PLXDC2: variants seen among roughly 807,000 people sequenced by gnomAD.
PLXDC2 encodes plexin domain-containing protein 2.
Under a neutral mutation model 68.9 loss-of-function variants are expected in PLXDC2, and 40 were observed. That is an observed-to-expected ratio of 0.58 (90% CI 0.45 to 0.76). PLXDC2 has a LOEUF of 0.76. PLXDC2 is among the 30% of genes least tolerant of loss of function. The pLI, the probability that PLXDC2 is intolerant of heterozygous loss-of-function variation, is 0.00. For synonymous variants in PLXDC2, 243 were observed against 234.2 expected (o/e 1.04, Z -0.34); for missense variants, 644 against 661.9 (o/e 0.97, Z 0.30).
At position 20,195,428 on chromosome 10, in the gene PLXDC2, G is replaced by A. The variant is rs541452479; in HGVS notation, c.1062-16241G>A. On this transcript the variant is annotated intron_variant, in intron 9 of 13. Transcript: ENST00000377252. ...TACTTTGTCTCTTAAGCAACGAGCG[G>A]GTGCAGTGGGTGCAAATCAAAGCTG... Among the ~76,000 whole-genome samples the A allele has an allele frequency of 9.2e-5, 14 of 152,210 alleles. No homozygotes were observed. The South Asian group carries it at 1.5e-3, about 16-fold the overall frequency.
At chr10:19,917,225 T>A (rs1449381442) in intron 1 of PLXDC2, among the ~76,000 whole-genome samples, 1 of 152,150 alleles carries the variant, frequency 6.6e-6, no homozygotes, top group Non-Finnish European at 1.5e-5. Context: ...TCATGGTGAC[T>A]TGAGCATTGC....
chr10:20,125,903 A>G (rs1276690444), intron 4 of PLXDC2, among the ~76,000 whole-genome samples: 2 of 148,822 alleles, frequency 1.3e-5, no homozygotes, highest in South Asian at 2.1e-4. Context: ...CCTTTCCACT[A>G]CATTTTTACT....
chr10:20,078,885 A>G (rs1349538854), intron 4 of PLXDC2, among the ~76,000 whole-genome samples: 3 of 152,188 alleles, frequency 2.0e-5, no homozygotes, highest in African/African-American at 7.2e-5. Flanking sequence ...GGTTTGAAAT[A>G]TATTATTTAA....
At chr10:19,958,991 T>TG (rs1834114325) in intron 1 of PLXDC2, among the ~76,000 whole-genome samples, 1 of 152,226 alleles carries the variant, frequency 6.6e-6, no homozygotes, top group African/African-American at 2.4e-5. Context: ...TTGTGGCCTA[T>TG]GGCAGACAGC....
rs1838108800 is a variant in PLXDC2 at position 19,898,827 on chromosome 10, A to G, written c.112+81636A>G. 2.0e-5 allele frequency among the ~76,000 whole-genome samples: 3 copies of G among 152,180 alleles called. No individual in the cohort carries two copies. The South Asian group carries it at 6.2e-4, about 32-fold the overall frequency. On this transcript the variant is annotated intron_variant, in intron 1 of 13. Transcript: ENST00000377252. ...AAATATATATTAAAATAAAGCTTGA[A>G]GGGTGAATTAAATAAATATTTACTT... is the stretch of plus-strand genomic sequence containing the variant.
chr10:19,994,312 A>ATTTTTTTTTT lies in PLXDC2; in HGVS notation c.113-7444_113-7435dup, dbSNP rs869124443. Among the ~76,000 whole-genome samples the ATTTTTTTTTT allele has an allele frequency of 7.1e-3, 244 of 34,306 alleles. 7 individuals carry two copies. Among genetic ancestry groups the ATTTTTTTTTT allele is most frequent in the Non-Finnish European group, 9.6e-3 (193 of 20,206 alleles). 22.5% of individuals were successfully genotyped at this position (34,306 alleles called of 152,430 possible). A position where few individuals can be genotyped will look rare whatever the true frequency, so the allele number is the denominator to read the frequency against. On this transcript the variant is annotated intron_variant, in intron 1 of 13. Transcript: ENST00000377252. The stretch of plus-strand genomic sequence containing the variant: ...TCTGACTACTTGGAAACATGATTAA[A>ATTTTTTTTTT]TTTTTTTTTTTTTTTTTTTTTTTTT...
In PLXDC2 at chr10:20,072,234, G is replaced by A. The variant is rs1836330138; in HGVS notation, c.541+3995G>A. Among the ~76,000 whole-genome samples the A allele has an allele frequency of 2.0e-5, 3 of 151,876 alleles. No homozygotes were observed. In the South Asian group the frequency reaches 6.2e-4, roughly 31 times the overall value. ...AAAAAAACAAAATTAGCCGGGCATG[G>A]TGGCACATGCCTGTAATCCCACCTA... On this transcript the variant is annotated intron_variant, in intron 4 of 13. Coordinates refer to ENST00000377252, the MANE Select transcript of PLXDC2 (RefSeq NM_032812.9).
intron 1 of PLXDC2, among the ~76,000 whole-genome samples, chr10:19,963,702 G>T (rs1472995947): frequency 6.6e-6 from 1 of 152,152 alleles, no homozygotes; most frequent in Non-Finnish European, 1.5e-5. Flanking sequence ...TGGGGCGAGA[G>T]GGGAGGGACA....
At chr10:20,077,691 A>G (rs1836475150) in intron 4 of PLXDC2, among the ~76,000 whole-genome samples, 1 of 152,226 alleles carries the variant, frequency 6.6e-6, no homozygotes, top group Non-Finnish European at 1.5e-5. Context: ...TTAATAGCTT[A>G]TAGAGAAAAT....
chr10:20,142,803 A>G (rs892881115), intron 4 of PLXDC2, among the ~76,000 whole-genome samples: 3 of 147,078 alleles, frequency 2.0e-5, no homozygotes, highest in Non-Finnish European at 4.5e-5. Context: ...AACTTTCAAG[A>G]AAAAAAAAAA....
chr10:19,816,748 G>C lies in PLXDC2; in HGVS notation c.-332G>C. ...GGAAGTCACCGTCCGCGGGCACCGGGTTGGCGCTGCCCGAGTGGAACCGAC... is the reference window on the plus strand; with the variant it reads ...GGAAGTCACCGTCCGCGGGCACCGGCTTGGCGCTGCCCGAGTGGAACCGAC... On this transcript the variant is annotated 5_prime_UTR_variant, in exon 1 of 14. Coordinates refer to ENST00000377252, the MANE Select transcript of PLXDC2 (RefSeq NM_032812.9). 2.3e-6 allele frequency: 1 copy of C among 440,572 alleles called. No homozygotes were observed. Among genetic ancestry groups the C allele is most frequent in the South Asian group, 2.7e-5 (1 of 36,580 alleles). The allele number at this position is 440,572 out of a possible 1,614,324, so 27.3% of individuals were successfully genotyped here. A position where few individuals can be genotyped will look rare whatever the true frequency, so the allele number is the denominator to read the frequency against.
intron 9 of PLXDC2, among the ~76,000 whole-genome samples, chr10:20,178,183 CAT>C (rs1834554754): frequency 6.6e-6 from 1 of 152,030 alleles, no homozygotes; most frequent in Non-Finnish European, 1.5e-5. Flanking sequence ...AAAAATAGAA[CAT>C]GTGGTTTTGA....
At chr10:19,859,140 C>T (rs1589504525) in intron 1 of PLXDC2, among the ~76,000 whole-genome samples, 1 of 152,084 alleles carries the variant, frequency 6.6e-6, no homozygotes, top group African/African-American at 2.4e-5. Context: ...GAGAATGGCA[C>T]TAAGGCATCC....
At chr10:20,138,006 C>T (rs1833956070) in intron 4 of PLXDC2, among the ~76,000 whole-genome samples, 1 of 152,102 alleles carries the variant, frequency 6.6e-6, no homozygotes, top group African/African-American at 2.4e-5. Context: ...CCACCTGTGA[C>T]CCAGAATCAA....
chr10:19,937,178 A>G (rs1833738827), intron 1 of PLXDC2, among the ~76,000 whole-genome samples: 2 of 152,124 alleles, frequency 1.3e-5, no homozygotes, highest in Admixed American at 6.5e-5. Flanking sequence ...TATGTTTTTC[A>G]AAGTGTTACA....
In PLXDC2 at chr10:20,245,956, G is replaced by A. The variant is rs11011900; in HGVS notation, c.1473+451G>A. On this transcript the variant is annotated intron_variant, in intron 13 of 13. Transcript: ENST00000377252. ...CCTCTTCTCAAAATGCTCACAAACC[G>A]TTTGGAAAAAATATGGTTTTCACCA... Among the ~76,000 whole-genome samples the A allele has an allele frequency of 6.2e-3, 938 of 152,150 alleles. 6 individuals are homozygous for A. The highest frequency in any genetic ancestry group is 0.02 in the African/African-American group (840 of 41,484).
chr10:20,050,680 C>T (rs1395894065), intron 3 of PLXDC2, among the ~76,000 whole-genome samples: 1 of 151,240 alleles, frequency 6.6e-6, no homozygotes, highest in African/African-American at 2.4e-5. Context: ...ATTAGAATGG[C>T]TATTATTAAA....
intron 2 of PLXDC2, among the ~76,000 whole-genome samples, chr10:20,031,736 C>A (rs961463096): frequency 6.6e-6 from 1 of 152,088 alleles, no homozygotes; most frequent in African/African-American, 2.4e-5. Flanking sequence ...TGTGGAATAT[C>A]TGTTAGGTAT....
At chr10:19,892,816 TTTTG>T (rs1364312450) in intron 1 of PLXDC2, among the ~76,000 whole-genome samples, 3 of 152,142 alleles carry the variant, frequency 2.0e-5, no homozygotes, top group Admixed American at 2.0e-4. Flanking sequence ...TCAATAAGGA[TTTTG>T]TTTATCTATA....
Sources: gnomAD v4.1 joint callset for allele counts (sites outside exome capture counted in the v4.1 genomes callset) on GRCh38, gnomAD v4.1.1 for gene constraint, MANE v1.5 for transcripts, NCBI Gene and HGNC (gene_info 2026-07-23, HGNC 2026-07-21) for gene names.